The following ORC4 variants were observed in gnomAD, a reference collection of about 807,000 sequenced individuals.
The protein encoded by ORC4 is origin recognition complex subunit 4, also known as origin recognition complex, subunit 4 homolog.
ORC4 carries 55 observed loss-of-function variants against 63.9 expected under a neutral mutation model. That is an observed-to-expected ratio of 0.86 (90% CI 0.69 to 1.08). The LOEUF (loss-of-function observed/expected upper bound fraction) is 1.08, where lower values mean the gene tolerates loss of function less well. Among genes scored for constraint, ORC4 ranks in the 50% least tolerant of loss-of-function variants. The pLI, the probability that ORC4 is intolerant of heterozygous loss-of-function variation, is 0.00. For synonymous variants in ORC4, 150 were observed against 168.5 expected, an observed-to-expected ratio of 0.89 and a Z score of 0.85; for missense variants, 511 against 504.4, an observed-to-expected ratio of 1.01 and a Z score of -0.13.
rs797044461 is a variant in ORC4 at position 147,939,224 on chromosome 2, C to CTGTT, written c.870_873dup (p.Ala292AsnfsTer20). Reference sequence around the variant, plus strand: ...ACGGCAGTCATAAATGGGTGCGATGCTGTTACTCGATTTAAAGCAAGCATC... The same window carrying CTGTT: ...ACGGCAGTCATAAATGGGTGCGATGCTGTTTGTTACTCGATTTAAAGCAAGCATC... On this transcript the variant is annotated frameshift_variant, in exon 11 of 14. Transcript: ENST00000392857. LOFTEE classifies it high-confidence loss of function. 31 of 1,611,872 alleles carry CTGTT rather than the reference C, an allele frequency of 1.9e-5. No individual in the cohort carries two copies. The highest frequency in any genetic ancestry group is 2.6e-5 in the Non-Finnish European group (31 of 1,178,308).
chr2:147,982,394 A>G (rs887037326), intron 1 of ORC4, among the ~76,000 whole-genome samples: 8 of 152,170 alleles, frequency 5.3e-5, no homozygotes, highest in African/African-American at 1.4e-4. Context: ...TAAAAAGGAG[A>G]AAGGGCTTTT....
chr2:147,989,082 G>A (rs1452530644), intron 1 of ORC4, among the ~76,000 whole-genome samples: 2 of 152,200 alleles, frequency 1.3e-5, no homozygotes, highest in Admixed American at 6.5e-5. Flanking sequence ...TACATAGAGA[G>A]TTCATTTGAG....
At chr2:147,943,267 T>C (rs1688464927) in intron 10 of ORC4, among the ~76,000 whole-genome samples, 169 bp downstream of exon 10, 1 of 151,966 alleles carries the variant, frequency 6.6e-6, no homozygotes, top group African/African-American at 2.4e-5. Flanking sequence ...ATGATAAAAG[T>C]AGGCTGGGCA....
chr2:147,960,397 C>T, intron 4 of ORC4: 2 of 936,078 alleles, frequency 2.1e-6, no homozygotes, highest in Non-Finnish European at 2.5e-6. Context: ...TGCAATCAAC[C>T]ATTTAAGTTA....
At position 147,935,120 on chromosome 2, in the gene ORC4, GTTAC is replaced by G. The variant is rs1182536827; in HGVS notation, c.*386_*389del. On this transcript the variant is annotated 3_prime_UTR_variant, in exon 14 of 14. Transcript: ENST00000392857. ...CTGCAGCAAACCTGCTGTACCAAAG[GTTAC>G]TTATTATACTTCAGTGCTTACCATT... The G allele has an allele frequency of 5.6e-6, 1 of 179,158 alleles. No homozygotes were observed. Among genetic ancestry groups the G allele is most frequent in the African/African-American group, 2.4e-5 (1 of 41,824 alleles). The allele number at this position is 179,158 out of a possible 1,614,324, so 11.1% of individuals were successfully genotyped here.
rs530247381 is a variant in ORC4 at position 147,975,624 on chromosome 2, T to A, written c.57+278A>T. Among the ~76,000 whole-genome samples the A allele has an allele frequency of 3.3e-5, 5 of 151,484 alleles. No individual in the cohort carries two copies. The East Asian group carries it at 9.7e-4, about 29-fold the overall frequency. On this transcript the variant is annotated intron_variant, in intron 2 of 13. Coordinates refer to ENST00000392857, the MANE Select transcript of ORC4 (RefSeq NM_181741.4). ...TATAAAACACTAATATTAAAAAAAA[T>A]ATATGAACTGACAAAAAGGGCAGAG...
intron 1 of ORC4, among the ~76,000 whole-genome samples, chr2:147,997,608 C>T (rs564266976): frequency 6.6e-6 from 1 of 152,086 alleles, no homozygotes; most frequent in African/African-American, 2.4e-5. Flanking sequence ...ATTATTTCTT[C>T]TCAAAGTACA....
At chr2:147,964,745 T>A (rs1689800729) in intron 4 of ORC4, among the ~76,000 whole-genome samples, 1 of 152,208 alleles carries the variant, frequency 6.6e-6, no homozygotes, top group South Asian at 2.1e-4. Context: ...TTTCTTCTTC[T>A]TTATAGCAGA....
chr2:147,959,933 A>T (rs181991127), intron 4 of ORC4, among the ~76,000 whole-genome samples: 1 of 152,320 alleles, frequency 6.6e-6, no homozygotes, highest in East Asian at 1.9e-4. Flanking sequence ...CACTATAATA[A>T]GAGTACATCC....
Position 147,931,258 on chromosome 2 carries a change from G to A in ORC4, c.*4252C>T, listed in dbSNP as rs1243122819. The A allele has an allele frequency of 6.7e-6, 1 of 150,068 alleles. No individual in the cohort carries two copies. The highest frequency in any genetic ancestry group is 2.0e-4 in the East Asian group (1 of 5,082). The allele number at this position is 150,068 out of a possible 1,614,324, so 9.3% of individuals were successfully genotyped here. A position where few individuals can be genotyped will look rare whatever the true frequency, so the allele number is the denominator to read the frequency against. On this transcript the variant is annotated 3_prime_UTR_variant, in exon 14 of 14. Transcript: ENST00000392857. The stretch of plus-strand genomic sequence containing the variant: ...CGTTTTCTTAATCCAGTCTATCATT[G>A]TTGGACATTTGGGTTGGTTCCAAGT...
At chr2:147,968,334 C>T (rs894118712) in intron 4 of ORC4, among the ~76,000 whole-genome samples, 1 of 152,030 alleles carries the variant, frequency 6.6e-6, no homozygotes, top group African/African-American at 2.4e-5. Context: ...GCAAGGGAAA[C>T]AATCAACAGC....
rs185388110 is a variant in ORC4 at position 147,950,156 on chromosome 2, A to G, written c.589-1932T>C. Among the ~76,000 whole-genome samples the G allele has an allele frequency of 3.9e-3, 588 of 152,282 alleles. 4 individuals are homozygous for G. Among genetic ancestry groups the G allele is most frequent in the African/African-American group, 0.014 (562 of 41,556 alleles). ...CAAGAAAGGTTATATTCAGAGATTC[A>G]GATATTGTACATTTATTTTCTATTA... On this transcript the variant is annotated intron_variant, in intron 8 of 13. Coordinates refer to ENST00000392857, the MANE Select transcript of ORC4 (RefSeq NM_181741.4).
In ORC4 at chr2:147,930,961, T is replaced by G. The variant is rs1176037174; in HGVS notation, c.*4549A>C. On this transcript the variant is annotated 3_prime_UTR_variant, in exon 14 of 14. Coordinates refer to ENST00000392857, the MANE Select transcript of ORC4 (RefSeq NM_181741.4). ...ATGCTGGTGCGCTGCACCCACTAAC[T>G]CGTCATCTAGCATTAGGTATATCTC... is the stretch of plus-strand genomic sequence containing the variant. The G allele has an allele frequency of 6.7e-6, 1 of 150,270 alleles. No individual in the cohort carries two copies. Among genetic ancestry groups the G allele is most frequent in the Admixed American group, 6.7e-5 (1 of 15,030 alleles). 9.3% of individuals were successfully genotyped at this position (150,270 alleles called of 1,614,324 possible).
chr2:147,979,379 T>C (rs925575789), intron 1 of ORC4, among the ~76,000 whole-genome samples: 6 of 152,160 alleles, frequency 3.9e-5, no homozygotes, highest in African/African-American at 1.4e-4. Flanking sequence ...GAAAGAAATG[T>C]AACAAAAGAG....
chr2:148,002,254 C>T (rs1692361678), intron 1 of ORC4, among the ~76,000 whole-genome samples: 1 of 152,090 alleles, frequency 6.6e-6, no homozygotes. Context: ...AGCTATGGAC[C>T]AAGTGGACCT....
In ORC4 at chr2:147,933,000, T is replaced by TC. The variant is rs1384911824; in HGVS notation, c.*2509dup. 6.6e-6 allele frequency: 1 copy of TC among 152,056 alleles called. No individual in the cohort carries two copies. Among genetic ancestry groups the TC allele is most frequent in the Non-Finnish European group, 1.5e-5 (1 of 68,000 alleles). The allele number at this position is 152,056 out of a possible 1,614,324, so 9.4% of individuals were successfully genotyped here. A position where few individuals can be genotyped will look rare whatever the true frequency, so the allele number is the denominator to read the frequency against. ...AAGTTTGGACCAAACAGGTATTCAT[T>TC]CCCCAGAGCCTTTCACATGCACGAG... On this transcript the variant is annotated 3_prime_UTR_variant, in exon 14 of 14. Coordinates refer to ENST00000392857, the MANE Select transcript of ORC4 (RefSeq NM_181741.4).
At chr2:147,960,471 AGTTG>A in intron 4 of ORC4, 2 of 543,128 alleles carry the variant, frequency 3.7e-6, no homozygotes, top group Non-Finnish European at 4.7e-6. Context: ...AAAAATATTT[AGTTG>A]GTTATTAATA....
intron 6 of ORC4, among the ~76,000 whole-genome samples, chr2:147,956,679 T>G (rs551014927): frequency 6.6e-6 from 1 of 152,120 alleles, no homozygotes; most frequent in Non-Finnish European, 1.5e-5. Flanking sequence ...GAAGAATTTA[T>G]GTATATCGTA....
At chr2:147,985,431 C>T (rs1258221380) in intron 1 of ORC4, among the ~76,000 whole-genome samples, 1 of 152,138 alleles carries the variant, frequency 6.6e-6, no homozygotes, top group Non-Finnish European at 1.5e-5. Flanking sequence ...TTCCTGACCT[C>T]GTGATCCGCC....
Sources: gnomAD v4.1 joint callset for allele counts (sites outside exome capture counted in the v4.1 genomes callset) on GRCh38, gnomAD v4.1.1 for gene constraint, MANE v1.5 for transcripts, NCBI Gene and HGNC (gene_info 2026-07-23, HGNC 2026-07-21) for gene names.